Variants in TASP1 observed in about 807,000 individuals in gnomAD.
The protein encoded by TASP1 is threonine aspartase 1.
Under a neutral mutation model 56.6 loss-of-function variants are expected in TASP1, and 16 were observed. The observed-to-expected ratio is 0.28, with a 90% CI of 0.19 to 0.43. TASP1 has a LOEUF of 0.43. Among genes scored for constraint, TASP1 ranks in the 20% least tolerant of loss-of-function variants. The pLI, the probability that TASP1 is intolerant of heterozygous loss-of-function variation, is 1.00. For missense variants in TASP1, 393 were observed against 511.6 expected (o/e 0.77, Z 2.24); for synonymous variants, 179 against 184.2 (o/e 0.97, Z 0.23).
intron 10 of TASP1, among the ~76,000 whole-genome samples, chr20:13,500,546 C>T (rs2043907934): frequency 6.6e-6 from 1 of 151,154 alleles, no homozygotes; most frequent in Admixed American, 6.6e-5. Flanking sequence ...AAAAATATTC[C>T]TAAAAGATGG....
At chr20:13,432,335 C>T (rs2042838307) in intron 12 of TASP1, among the ~76,000 whole-genome samples, 1 of 152,174 alleles carries the variant, frequency 6.6e-6, no homozygotes, top group Non-Finnish European at 1.5e-5. Flanking sequence ...GCACATTCTA[C>T]AGAGTGAGGG....
intron 4 of TASP1, among the ~76,000 whole-genome samples, chr20:13,619,984 C>G (rs1346706387): frequency 6.6e-6 from 1 of 152,010 alleles, no homozygotes; most frequent in Admixed American, 6.6e-5. Flanking sequence ...TGCAGAAAAC[C>G]TCTCATACAG....
At chr20:13,325,350 G>A in the TASP1 span, among the ~76,000 whole-genome samples, 1 of 152,216 alleles carries the variant, frequency 6.6e-6, no homozygotes, top group African/African-American at 2.4e-5. Flanking sequence ...TGCTTAAGAT[G>A]TATTTGTTTC....
the TASP1 span, among the ~76,000 whole-genome samples, chr20:13,176,269 C>CT: frequency 6.6e-6 from 1 of 152,184 alleles, no homozygotes; most frequent in African/African-American, 2.4e-5. Flanking sequence ...GTGGTTAAGA[C>CT]TTCCAGAACT....
At chr20:13,274,546 C>T in the TASP1 span, among the ~76,000 whole-genome samples, 395 of 152,294 alleles carry the variant, frequency 2.6e-3, 2 homozygotes, top group African/African-American at 8.7e-3. Context: ...TCCGCACCTC[C>T]CCACCCCTTC....
chr20:13,243,756 A>G, the TASP1 span, among the ~76,000 whole-genome samples: 1 of 152,212 alleles, frequency 6.6e-6, no homozygotes, highest in Non-Finnish European at 1.5e-5. Context: ...TGTTTGCACT[A>G]TGTCTATCCA....
the TASP1 span, among the ~76,000 whole-genome samples, chr20:13,341,771 GCTT>G: frequency 6.6e-6 from 1 of 152,178 alleles, no homozygotes; most frequent in Non-Finnish European, 1.5e-5. Context: ...ATCTGAGCTG[GCTT>G]GGCCAGGCTC....
intron 10 of TASP1, among the ~76,000 whole-genome samples, chr20:13,500,334 G>A (rs1225831119): frequency 1.4e-5 from 2 of 145,558 alleles, no homozygotes; most frequent in Admixed American, 1.4e-4. Context: ...CTTTTTCAGA[G>A]GCAAATATCT....
chr20:13,282,143 G>A, the TASP1 span, among the ~76,000 whole-genome samples: 2 of 151,468 alleles, frequency 1.3e-5, no homozygotes. Flanking sequence ...ACTCACCTGG[G>A]GAATTTTTTT....
At chr20:13,113,492 A>G in the TASP1 span, among the ~76,000 whole-genome samples, 4 of 152,168 alleles carry the variant, frequency 2.6e-5, no homozygotes, top group Non-Finnish European at 5.9e-5. Flanking sequence ...TCAAGATAGA[A>G]AAGGCTAGAT....
the TASP1 span, among the ~76,000 whole-genome samples, chr20:13,304,826 C>T: frequency 6.6e-6 from 1 of 152,100 alleles, no homozygotes; most frequent in South Asian, 2.1e-4. Context: ...ATAGCAGTCA[C>T]CTACTTGAAA....
At chr20:13,629,150 G>A (rs915888696) in intron 2 of TASP1, among the ~76,000 whole-genome samples, 3 of 152,094 alleles carry the variant, frequency 2.0e-5, no homozygotes, top group Non-Finnish European at 2.9e-5. Flanking sequence ...TGGATCACCC[G>A]AGGTCAGGAG....
intron 10 of TASP1, among the ~76,000 whole-genome samples, chr20:13,526,201 T>C (rs2423728): frequency 0.011 from 1,684 of 152,268 alleles, 22 homozygotes; most frequent in Non-Finnish European, 0.018. Flanking sequence ...CTTTTCCAAA[T>C]TGACACAATC....
rs992686203 is a variant in TASP1, at chr20:13,469,635, A to G, written c.985+13592T>C. 7.9e-5 allele frequency among the ~76,000 whole-genome samples: 12 copies of G among 152,070 alleles called. No homozygotes were observed. The South Asian group carries it at 1.4e-3, about 18-fold the overall frequency. On this transcript the variant is annotated intron_variant, in intron 11 of 13. Coordinates refer to ENST00000337743, the MANE Select transcript of TASP1 (RefSeq NM_017714.3). ...ATCCCAAGATAAAAATGCATCCACC[A>G]TGTCAAAGAAGGTTAACTTCTGGGT...
chr20:13,599,493 C>G (rs190779545), intron 4 of TASP1, among the ~76,000 whole-genome samples: 1 of 152,132 alleles, frequency 6.6e-6, no homozygotes, highest in East Asian at 1.9e-4. Context: ...CACTTGGACA[C>G]AGGGCGGAGA....
the TASP1 span, among the ~76,000 whole-genome samples, chr20:13,380,426 C>T: frequency 6.6e-6 from 1 of 152,204 alleles, no homozygotes; most frequent in South Asian, 2.1e-4. Flanking sequence ...GCAAAGACTA[C>T]AGCCTGTTCC....
the TASP1 span, among the ~76,000 whole-genome samples, chr20:13,297,622 G>C: frequency 6.6e-6 from 1 of 152,212 alleles, no homozygotes; most frequent in Non-Finnish European, 1.5e-5. Flanking sequence ...CTGAGCTGGG[G>C]ACCTTCGGCC....
At chr20:13,362,719 A>G in the TASP1 span, among the ~76,000 whole-genome samples, 2 of 151,594 alleles carry the variant, frequency 1.3e-5, no homozygotes, top group Middle Eastern at 3.4e-3. Context: ...TTCTGTTTAT[A>G]TGAAATTCTA....
At chr20:13,183,554 T>C in the TASP1 span, among the ~76,000 whole-genome samples, 4 of 152,314 alleles carry the variant, frequency 2.6e-5, no homozygotes, top group East Asian at 7.7e-4. Context: ...CATATAATAT[T>C]AAGAATTTTT....
Sources: gnomAD v4.1 joint callset for allele counts (sites outside exome capture counted in the v4.1 genomes callset) on GRCh38, gnomAD v4.1.1 for gene constraint, MANE v1.5 for transcripts, NCBI Gene and HGNC (gene_info 2026-07-23, HGNC 2026-07-21) for gene names.